The following SPAG16 variants were observed in gnomAD, a reference collection of about 807,000 sequenced individuals.
SPAG16 encodes sperm-associated antigen 16 protein.
A neutral mutation model predicts 80.4 loss-of-function variants in SPAG16; 86 were observed. That is an observed-to-expected ratio of 1.07 (90% confidence interval 0.90 to 1.28). SPAG16 has a LOEUF of 1.28. Among genes scored for constraint, SPAG16 ranks in the 50% most tolerant of loss-of-function variants. The pLI, the probability that SPAG16 is intolerant of heterozygous loss-of-function variation, is 0.00. For synonymous variants in SPAG16, 294 were observed against 265.9 expected (o/e 1.11, Z -1.03); for missense variants, 870 against 765.3 (o/e 1.14, Z -1.61).
At chr2:214,168,315 A>G (rs2056743446) in intron 15 of SPAG16, among the ~76,000 whole-genome samples, 1 of 152,024 alleles carries the variant, frequency 6.6e-6, no homozygotes, top group Admixed American at 6.6e-5. Context: ...TTCTATGCTT[A>G]AGTTTTCGCC....
intron 12 of SPAG16, among the ~76,000 whole-genome samples, chr2:213,988,437 A>C (rs2046123464): frequency 6.6e-6 from 1 of 152,148 alleles, no homozygotes; most frequent in East Asian, 1.9e-4. Context: ...AGAAATCGAT[A>C]AAGATATCTG....
intron 10 of SPAG16, 126 bp from the exon 11 acceptor site, chr2:213,862,359 G>A: frequency 3.5e-6 from 4 of 1,159,106 alleles, no homozygotes; most frequent in South Asian, 2.9e-5. Context: ...TCTTATTTTG[G>A]GGCCAGTACT....
intron 10 of SPAG16, among the ~76,000 whole-genome samples, chr2:213,804,510 T>C (rs186947166): frequency 0.013 from 1,902 of 152,156 alleles, 18 homozygotes; most frequent in Middle Eastern, 0.02. Context: ...GGTGAAACCC[T>C]GTCTCTACTA....
intron 9 of SPAG16, among the ~76,000 whole-genome samples, chr2:213,395,168 T>C: frequency 6.6e-6 from 1 of 152,188 alleles, no homozygotes; most frequent in East Asian, 1.9e-4. Context: ...GGACTTTTTT[T>C]CAAACAACCA....
At chr2:213,750,190 A>C (rs1433497397) in intron 10 of SPAG16, among the ~76,000 whole-genome samples, 1 of 152,190 alleles carries the variant, frequency 6.6e-6, no homozygotes, top group Non-Finnish European at 1.5e-5. Context: ...AGAAAGCACT[A>C]TACAAAGTAT....
chr2:213,843,778 G>C (rs2074478673), intron 10 of SPAG16, among the ~76,000 whole-genome samples: 1 of 152,068 alleles, frequency 6.6e-6, no homozygotes, highest in Non-Finnish European at 1.5e-5. Context: ...TAGAACCCAG[G>C]AGGCGGAGGT....
At chr2:213,720,902 C>T (rs1322663710) in intron 10 of SPAG16, among the ~76,000 whole-genome samples, 2 of 151,168 alleles carry the variant, frequency 1.3e-5, no homozygotes, top group Admixed American at 6.6e-5. Context: ...CCTGCCACCA[C>T]GCCCGGCTAA....
chr2:213,584,072 T>C (rs1337942462), intron 10 of SPAG16, among the ~76,000 whole-genome samples: 2 of 152,238 alleles, frequency 1.3e-5, no homozygotes, highest in Admixed American at 1.3e-4. Flanking sequence ...CTAGGAGTTA[T>C]GTGACAACCA....
At position 213,482,821 on chromosome 2, in the gene SPAG16, G is replaced by T. The variant is rs1336310331; in HGVS notation, c.943-7142G>T. Among the ~76,000 whole-genome samples, 5 of 152,040 alleles carry T rather than the reference G, an allele frequency of 3.3e-5. No homozygotes were observed. In the South Asian group the frequency reaches 1.0e-3, roughly 32 times the overall value. On this transcript the variant is annotated intron_variant, in intron 9 of 15. Coordinates refer to ENST00000331683, the MANE Select transcript of SPAG16 (RefSeq NM_024532.5). ...AAGCCCATTTATGCTAGAGGAAAAA[G>T]AATATTAAATAGATAAGCCATTAAG...
intron 13 of SPAG16, among the ~76,000 whole-genome samples, chr2:214,092,024 A>G (rs1156520114): frequency 1.3e-5 from 2 of 152,152 alleles, no homozygotes; most frequent in Non-Finnish European, 2.9e-5. Flanking sequence ...TACTTGTTCA[A>G]ATGTATCTGA....
intron 10 of SPAG16, among the ~76,000 whole-genome samples, chr2:213,835,843 G>A (rs2074042286): frequency 6.6e-6 from 1 of 152,068 alleles, no homozygotes; most frequent in South Asian, 2.1e-4. Flanking sequence ...AATATCAAAA[G>A]GTTATGATTT....
At chr2:213,467,582 A>G (rs1305413939) in intron 9 of SPAG16, among the ~76,000 whole-genome samples, 1 of 152,238 alleles carries the variant, frequency 6.6e-6, no homozygotes, top group Non-Finnish European at 1.5e-5. Flanking sequence ...ACTGGAGAGG[A>G]GAACAGAAAT....
intron 12 of SPAG16, among the ~76,000 whole-genome samples, chr2:213,986,499 C>G (rs1019633362): frequency 2.0e-5 from 3 of 151,494 alleles, no homozygotes; most frequent in African/African-American, 7.3e-5. Context: ...TAGAAAAATA[C>G]TGAAATCCAC....
intron 10 of SPAG16, among the ~76,000 whole-genome samples, chr2:213,841,311 T>C (rs2074354345): frequency 6.6e-6 from 1 of 152,142 alleles, no homozygotes; most frequent in South Asian, 2.1e-4. Context: ...CAGTGGGGCA[T>C]GACATAAGGG....
intron 10 of SPAG16, among the ~76,000 whole-genome samples, chr2:213,665,492 G>T (rs2063568926): frequency 6.6e-6 from 1 of 152,098 alleles, no homozygotes; most frequent in African/African-American, 2.4e-5. Context: ...CCACAAGAAA[G>T]ATTGCAAATT....
At chr2:214,298,372 T>A (rs1325221242) in intron 15 of SPAG16, among the ~76,000 whole-genome samples, 2 of 152,090 alleles carry the variant, frequency 1.3e-5, no homozygotes, top group African/African-American at 4.8e-5. Context: ...TAATATCATG[T>A]CAGCAGTGAA....
intron 9 of SPAG16, among the ~76,000 whole-genome samples, chr2:213,463,746 T>A (rs1440240811): frequency 6.6e-6 from 1 of 152,184 alleles, no homozygotes; most frequent in Non-Finnish European, 1.5e-5. Context: ...ATGGAGAAAC[T>A]CTGCTAGGGG....
intron 9 of SPAG16, among the ~76,000 whole-genome samples, chr2:213,475,814 A>T (rs2073342958): frequency 6.6e-6 from 1 of 152,214 alleles, no homozygotes; most frequent in East Asian, 1.9e-4. Flanking sequence ...CAAAGGAAAG[A>T]AAAGGAACCC....
intron 10 of SPAG16, among the ~76,000 whole-genome samples, chr2:213,767,679 A>ACACT (rs5838389): frequency 6.6e-6 from 1 of 151,046 alleles, no homozygotes; most frequent in Non-Finnish European, 1.5e-5. Flanking sequence ...ACACACACAC[A>ACACT]AAATCAGATA....
Sources: allele counts gnomAD v4.1 joint callset (sites outside exome capture counted in the v4.1 genomes callset), GRCh38; gene constraint gnomAD v4.1.1; transcripts MANE v1.5; gene names NCBI Gene and HGNC (gene_info 2026-07-23, HGNC 2026-07-21).